Variants in HCN1 observed in about 807,000 individuals in gnomAD.
HCN1 encodes potassium/sodium hyperpolarization-activated cyclic nucleotide-gated channel 1.
HCN1 carries 13 observed loss-of-function variants against 78.9 expected under a neutral mutation model. The observed-to-expected ratio is 0.16, with a 90% CI of 0.11 to 0.26. The LOEUF is 0.26. Among genes scored for constraint, HCN1 ranks in the 10% least tolerant of loss-of-function variants. The pLI, the probability that HCN1 is intolerant of heterozygous loss-of-function variation, is 1.00. For synonymous variants in HCN1, 552 were observed against 455.5 expected (o/e 1.21, Z -2.70); for missense variants, 810 against 1,154.3 (o/e 0.70, Z 4.32).
intron 3 of HCN1, among the ~76,000 whole-genome samples, chr5:45,408,763 G>A (rs1217594584): frequency 1.3e-5 from 2 of 152,066 alleles, no homozygotes; most frequent in African/African-American, 2.4e-5. Flanking sequence ...AGTGTTTAAT[G>A]CTGCTATTTT....
At chr5:45,567,674 C>A (rs949884458) in intron 2 of HCN1, among the ~76,000 whole-genome samples, 38 of 149,858 alleles carry the variant, frequency 2.5e-4, no homozygotes, top group African/African-American at 9.3e-4. Context: ...TCAAAAAGTG[C>A]CCTTTGGAAA....
intron 2 of HCN1, among the ~76,000 whole-genome samples, chr5:45,491,169 C>T (rs1741877680): frequency 6.6e-6 from 1 of 152,078 alleles, no homozygotes; most frequent in South Asian, 2.1e-4. Context: ...TAAATATTAA[C>T]ATGTATTGCC....
chr5:45,530,923 GAAGC>G (rs1742830658), intron 2 of HCN1, among the ~76,000 whole-genome samples: 1 of 152,104 alleles, frequency 6.6e-6, no homozygotes, highest in African/African-American at 2.4e-5. Flanking sequence ...GCTGGGAAAA[GAAGC>G]AAGGATAGAC....
rs188505329 is a variant in HCN1, at chr5:45,303,252, A to C, written c.1618+347T>G. 1.1e-3 allele frequency among the ~76,000 whole-genome samples: 161 copies of C among 152,232 alleles called. 2 individuals are homozygous for C. Among genetic ancestry groups the C allele is most frequent in the Middle Eastern group, 6.8e-3 (2 of 294 alleles). On this transcript the variant is annotated intron_variant, in intron 6 of 7. Transcript: ENST00000303230. ...TATGGGCCGTATCAAAACATGGTGG[A>C]GAGGAATCAGCTCCTCTTGTGGAGA...
intron 5 of HCN1, among the ~76,000 whole-genome samples, chr5:45,315,152 A>G (rs1461512602): frequency 1.2e-4 from 18 of 152,224 alleles, no homozygotes; most frequent in Admixed American, 9.8e-4. Context: ...AAAATTGACA[A>G]CATAGTTGGA....
At chr5:45,402,813 C>CTCCTTCCT (rs71000635) in intron 3 of HCN1, among the ~76,000 whole-genome samples, 10,754 of 98,250 alleles carry the variant, frequency 0.11, 771 homozygotes, top group Non-Finnish European at 0.12. Flanking sequence ...CCTTTCTTTC[C>CTCCTTCCT]TCCTTCCTTC....
intron 2 of HCN1, among the ~76,000 whole-genome samples, chr5:45,531,143 A>T (rs1742838855): frequency 6.6e-6 from 1 of 152,102 alleles, no homozygotes; most frequent in Admixed American, 6.5e-5. Flanking sequence ...CATTACTTCT[A>T]CTCCAAATTC....
chr5:45,474,028 G>A (rs1741463421), intron 2 of HCN1, among the ~76,000 whole-genome samples: 1 of 151,626 alleles, frequency 6.6e-6, no homozygotes, highest in Non-Finnish European at 1.5e-5. Context: ...ATTCCATTTT[G>A]TTTGTCATTC....
At chr5:45,417,383 T>A (rs1354160232) in intron 3 of HCN1, among the ~76,000 whole-genome samples, 1 of 151,972 alleles carries the variant, frequency 6.6e-6, no homozygotes, top group East Asian at 1.9e-4. Context: ...CTAAGCTATG[T>A]TAAGGTCAGA....
At chr5:45,545,163 T>C (rs1743185693) in intron 2 of HCN1, among the ~76,000 whole-genome samples, 1 of 152,220 alleles carries the variant, frequency 6.6e-6, no homozygotes, top group Non-Finnish European at 1.5e-5. Context: ...AGATGGTATC[T>C]CATTGTGGTT....
intron 4 of HCN1, among the ~76,000 whole-genome samples, chr5:45,364,749 T>C (rs955431347): frequency 6.6e-6 from 1 of 152,192 alleles, no homozygotes; most frequent in Non-Finnish European, 1.5e-5. Context: ...TAAATGTTAA[T>C]GTAAATTAAA....
At chr5:45,584,481 C>T (rs1468400647) in intron 2 of HCN1, among the ~76,000 whole-genome samples, 1 of 151,938 alleles carries the variant, frequency 6.6e-6, no homozygotes, top group African/African-American at 2.4e-5. Context: ...GACTCTTTAT[C>T]CAATTTGCCA....
chr5:45,430,059 C>A (rs547771235), intron 3 of HCN1, among the ~76,000 whole-genome samples: 3 of 151,746 alleles, frequency 2.0e-5, no homozygotes, highest in African/African-American at 7.3e-5. Context: ...GAAATACAAA[C>A]ACAAAACAAA....
intron 3 of HCN1, among the ~76,000 whole-genome samples, chr5:45,456,044 C>T (rs751989362): frequency 6.6e-6 from 1 of 151,848 alleles, no homozygotes; most frequent in Admixed American, 6.6e-5. Context: ...ACTAATTAGA[C>T]CATTACAGAC....
At chr5:45,397,157 C>G (rs2112041283) in intron 3 of HCN1, among the ~76,000 whole-genome samples, 1 of 152,134 alleles carries the variant, frequency 6.6e-6, no homozygotes, top group East Asian at 1.9e-4. Context: ...TTTTAAAAAT[C>G]CATATTGATA....
At chr5:45,317,850 C>G (rs1007228020) in intron 5 of HCN1, among the ~76,000 whole-genome samples, 3 of 152,122 alleles carry the variant, frequency 2.0e-5, no homozygotes, top group African/African-American at 7.2e-5. Context: ...AAATGCAAAT[C>G]AAAACCACAA....
At chr5:45,611,144 G>A (rs1347576161) in intron 2 of HCN1, among the ~76,000 whole-genome samples, 10 of 150,882 alleles carry the variant, frequency 6.6e-5, no homozygotes, top group Admixed American at 2.6e-4. Flanking sequence ...TCAACCTCCC[G>A]GGTTCAAGAC....
intron 2 of HCN1, among the ~76,000 whole-genome samples, chr5:45,603,100 A>G: frequency 6.6e-6 from 1 of 152,066 alleles, no homozygotes; most frequent in East Asian, 1.9e-4. Flanking sequence ...CCTACTTTTC[A>G]TCCCTTTAGG....
chr5:45,400,540 T>C (rs1441191189), intron 3 of HCN1, among the ~76,000 whole-genome samples: 1 of 151,518 alleles, frequency 6.6e-6, no homozygotes, highest in Non-Finnish European at 1.5e-5. Flanking sequence ...CTGGGATTAG[T>C]ACCACCATGC....
Sources: gnomAD v4.1 joint callset for allele counts (sites outside exome capture counted in the v4.1 genomes callset) on GRCh38, gnomAD v4.1.1 for gene constraint, MANE v1.5 for transcripts, NCBI Gene and HGNC (gene_info 2026-07-23, HGNC 2026-07-21) for gene names.